Variants in SDK1 observed in about 807,000 individuals in gnomAD.
The protein encoded by SDK1 is protein sidekick-1.
In SDK1, 157 loss-of-function variants were observed where a neutral mutation model predicts 245.5. That is an observed-to-expected ratio of 0.64 (90% CI 0.56 to 0.73). The LOEUF is 0.73. Ranked by LOEUF, SDK1 falls within the 30% of genes least tolerant of loss-of-function variation. The pLI, the probability that SDK1 is intolerant of heterozygous loss-of-function variation, is 0.00. For missense variants in SDK1, 3,583 were observed against 3,002.3 expected (o/e 1.19, Z -4.52); for synonymous variants, 1,647 against 1,278.5 (o/e 1.29, Z -6.15).
At chr7:4,246,691 G>T (rs1350777843) in intron 44 of SDK1, among the ~76,000 whole-genome samples, 5 of 152,130 alleles carry the variant, frequency 3.3e-5, no homozygotes, top group Non-Finnish European at 7.3e-5. Context: ...CGGGCTCAGG[G>T]TGAATCCAGA....
chr7:4,162,507 C>G (rs1261045664), intron 32 of SDK1, among the ~76,000 whole-genome samples: 1 of 151,940 alleles, frequency 6.6e-6, no homozygotes, highest in Non-Finnish European at 1.5e-5. Context: ...TCAAGCGATT[C>G]TCCTGCCTCA....
intron 22 of SDK1, among the ~76,000 whole-genome samples, chr7:4,107,125 T>TGGGGAGGGTGGGGAGGGA (rs1782979703): frequency 2.5e-4 from 1 of 3,930 alleles, no homozygotes; most frequent in Non-Finnish European, 5.6e-4. Context: ...GTGGGGAGGG[T>TGGGGAGGGTGGGGAGGGA]GGGGAGGGTG....
intron 38 of SDK1, among the ~76,000 whole-genome samples, chr7:4,216,339 T>C (rs1014668828): frequency 9.2e-5 from 14 of 152,258 alleles, no homozygotes; most frequent in Admixed American, 2.0e-4. Context: ...ACACCCAGAC[T>C]GGCCCCGCCC....
Position 3,642,100 on chromosome 7 carries a change from C to A in SDK1, c.708C>A (p.Asn236Lys). ...AAGGGCACAAGATTATTCCAAGCAA[C>A]AGAATGTAAGTTGCTCCAAACGTTA... ...FREGHKIIPS[N>K]RIAITLENQL... is the part of the protein sequence containing the mutation. Residue 236 changes from asparagine to lysine, a missense_variant, in exon 4 of 45, where the codon AAC becomes AAA. Coordinates refer to ENST00000404826, the MANE Select transcript of SDK1 (RefSeq NM_152744.4). The A allele has an allele frequency of 6.2e-7, 1 of 1,613,964 alleles. No individual in the cohort carries two copies. The highest frequency in any genetic ancestry group is 8.5e-7 in the Non-Finnish European group (1 of 1,179,938).
intron 1 of SDK1, among the ~76,000 whole-genome samples, chr7:3,393,632 G>C (rs1167662247): frequency 1.3e-5 from 2 of 152,132 alleles, no homozygotes; most frequent in African/African-American, 2.4e-5. Context: ...AAATGAATGT[G>C]ATTCTGTTGC....
intron 41 of SDK1, among the ~76,000 whole-genome samples, chr7:4,234,192 G>A (rs956876937): frequency 6.6e-6 from 1 of 152,210 alleles, no homozygotes; most frequent in Non-Finnish European, 1.5e-5. Context: ...AAGGTGAGCA[G>A]TATTGCCGTC....
intron 28 of SDK1, among the ~76,000 whole-genome samples, 162 bp from the exon 29 acceptor site, chr7:4,145,560 A>C (rs575709499): frequency 6.6e-6 from 1 of 152,130 alleles, no homozygotes; most frequent in Non-Finnish European, 1.5e-5. Context: ...CCCACCATTC[A>C]TCACAGCCAT....
rs747556905 is a variant in SDK1, at chr7:3,974,571, G to A, written c.1994+26G>A. On this transcript the variant is annotated intron_variant, in intron 13 of 44. Coordinates refer to ENST00000404826, the MANE Select transcript of SDK1 (RefSeq NM_152744.4). ...GTGAGTACTGAGACGTTTGGTGTTA[G>A]CCAGTCCGCGGTTTTCTCCGTTACT... The A allele has an allele frequency of 1.6e-5, 25 of 1,605,570 alleles. No homozygotes were observed. The South Asian group carries it at 2.5e-4, about 16-fold the overall frequency.
chr7:4,171,767 C>T (rs1327069192), intron 32 of SDK1, among the ~76,000 whole-genome samples: 1 of 152,274 alleles, frequency 6.6e-6, no homozygotes, highest in Non-Finnish European at 1.5e-5. Context: ...AGATGCCGGG[C>T]AGTGCCATTT....
At chr7:4,110,374 C>G (rs1783260494) in intron 22 of SDK1, among the ~76,000 whole-genome samples, 2 of 152,340 alleles carry the variant, frequency 1.3e-5, no homozygotes, top group South Asian at 4.1e-4. Context: ...CCTCCAAGCC[C>G]TCAGAGGTTT....
intron 44 of SDK1, among the ~76,000 whole-genome samples, chr7:4,257,175 T>G (rs1451480979): frequency 6.6e-6 from 1 of 152,224 alleles, no homozygotes; most frequent in Non-Finnish European, 1.5e-5. Flanking sequence ...AACCCCATCG[T>G]ACCCAATTAA....
intron 4 of SDK1, among the ~76,000 whole-genome samples, chr7:3,819,049 C>T (rs6966030): frequency 0.28 from 42,793 of 152,060 alleles, 7,343 homozygotes; most frequent in African/African-American, 0.48. Context: ...ACAGCAGTTA[C>T]CAGAATTTAA....
rs1353183603 is a variant in SDK1 at position 3,650,823 on chromosome 7, TG to T, written c.713+8720del. ...CATGCAGTATGTGACCTGTGGGGAT[TG>T]GTTTTTTTTTTTTTTTTAACTTAGT... On this transcript the variant is annotated intron_variant, in intron 4 of 44. Transcript: ENST00000404826. Among the ~76,000 whole-genome samples, 378 of 111,858 alleles carry T rather than the reference TG, an allele frequency of 3.4e-3. 2 individuals carry two copies. The highest frequency in any genetic ancestry group is 0.012 in the African/African-American group (361 of 30,240). 73.4% of individuals were successfully genotyped at this position (111,858 alleles called of 152,430 possible). A position where few individuals can be genotyped will look rare whatever the true frequency, so the allele number is the denominator to read the frequency against.
chr7:3,735,426 C>T (rs1779292507), intron 4 of SDK1, among the ~76,000 whole-genome samples: 1 of 152,166 alleles, frequency 6.6e-6, no homozygotes, highest in Admixed American at 6.5e-5. Flanking sequence ...AGTATTTTGA[C>T]TTTGTGTGAC....
intron 2 of SDK1, among the ~76,000 whole-genome samples, chr7:3,621,574 T>C (rs952539193): frequency 1.3e-5 from 2 of 152,352 alleles, no homozygotes; most frequent in African/African-American, 2.4e-5. Flanking sequence ...GTTTCCTAGA[T>C]CTTCAGTTTC....
intron 17 of SDK1, among the ~76,000 whole-genome samples, chr7:4,042,610 G>A (rs906321818): frequency 1.1e-5 from 1 of 92,116 alleles, no homozygotes; most frequent in Admixed American, 8.8e-5. Flanking sequence ...GCACAGCAAG[G>A]GTCTAATGCT....
At chr7:3,484,546 A>G (rs1781618039) in intron 1 of SDK1, among the ~76,000 whole-genome samples, 1 of 152,190 alleles carries the variant, frequency 6.6e-6, no homozygotes, top group Non-Finnish European at 1.5e-5. Context: ...TTGTTCAAGG[A>G]TTAACTGTAC....
At chr7:3,438,547 A>G (rs1033488240) in intron 1 of SDK1, among the ~76,000 whole-genome samples, 15 of 152,186 alleles carry the variant, frequency 9.9e-5, no homozygotes, top group Non-Finnish European at 1.8e-4. Flanking sequence ...GTGAAGGCCC[A>G]TGTGTCAGTG....
At chr7:3,325,590 A>C (rs1779921211) in intron 1 of SDK1, among the ~76,000 whole-genome samples, 1 of 152,110 alleles carries the variant, frequency 6.6e-6, no homozygotes, top group African/African-American at 2.4e-5. Flanking sequence ...TAGGTTTATA[A>C]AAGTAACCGT....
Sources: allele counts gnomAD v4.1 joint callset (sites outside exome capture counted in the v4.1 genomes callset), GRCh38; gene constraint gnomAD v4.1.1; transcripts MANE v1.5; gene names NCBI Gene and HGNC (gene_info 2026-07-23, HGNC 2026-07-21).